Variants in SPATA13 observed in about 807,000 individuals in gnomAD.
SPATA13 encodes spermatogenesis associated 13.
SPATA13 carries 50 observed loss-of-function variants against 104.0 expected under a neutral mutation model. That is an observed-to-expected ratio of 0.48 (90% CI 0.38 to 0.61). The LOEUF is 0.61. Ranked by LOEUF, SPATA13 falls within the 20% of genes least tolerant of loss-of-function variation. The pLI is 0.00. For synonymous variants in SPATA13, 606 were observed against 667.5 expected (o/e 0.91, Z 1.42); for missense variants, 1,524 against 1,690.6 (o/e 0.90, Z 1.73).
At chr13:24,204,307 A>G (rs912149) in intron 1 of SPATA13, among the ~76,000 whole-genome samples, 134,935 of 152,156 alleles carry the variant, frequency 0.89, 62,088 homozygotes, top group East Asian at 1. Context: ...TGTTCAGAAA[A>G]CGATAGGAAA....
At position 24,223,764 on chromosome 13, in the gene SPATA13, A is replaced by G; in HGVS notation, c.835A>G (p.Thr279Ala). ...CACCTCCAATCTTGCAGACCTCAGGACGGCCCATGACGCACGGGTACCACA... is the reference window on the plus strand; with the variant it reads ...CACCTCCAATCTTGCAGACCTCAGGGCGGCCCATGACGCACGGGTACCACA... ...KSTSNLADLRTAHDARVPQRT... is the reference protein window; with the variant it reads ...KSTSNLADLRAAHDARVPQRT... Residue 279 changes from threonine (T) to alanine (A), a missense_variant, in exon 2 of 13, where the codon ACG becomes GCG. By Grantham distance (58) the Thr-to-Ala change is moderately conservative (BLOSUM62 0). Transcript: ENST00000382108. The G allele has an allele frequency of 1.9e-6, 3 of 1,551,856 alleles. No homozygotes were observed. The highest frequency in any genetic ancestry group is 2.6e-6 in the Non-Finnish European group (3 of 1,147,018).
chr13:24,110,826 A>G (rs1880615208), intron 3 of SPATA13, among the ~76,000 whole-genome samples: 1 of 152,232 alleles, frequency 6.6e-6, no homozygotes, highest in Non-Finnish European at 1.5e-5. Context: ...TGAGATAAGG[A>G]AGTTAAGAAT....
intron 10 of SPATA13, 71 bp from the exon 11 acceptor site, chr13:24,297,292 G>C (rs1003934678): frequency 1.3e-6 from 2 of 1,520,942 alleles, no homozygotes; most frequent in Non-Finnish European, 8.8e-7. Context: ...TCCCACCTTG[G>C]CTTCTTAAGT....
intron 3 of SPATA13, among the ~76,000 whole-genome samples, chr13:24,105,849 C>T (rs909300305): frequency 6.6e-6 from 1 of 152,254 alleles, no homozygotes; most frequent in African/African-American, 2.4e-5. Context: ...AATTAGGACA[C>T]AGACACACAC....
At chr13:24,251,488 A>T in intron 3 of SPATA13, 1 of 985,434 alleles carries the variant, frequency 1.0e-6, no homozygotes, top group Non-Finnish European at 1.2e-6. Flanking sequence ...GACAAGTGAG[A>T]TGAAACATGA....
At chr13:24,220,047 A>G (rs927155983) in intron 1 of SPATA13, among the ~76,000 whole-genome samples, 3 of 152,044 alleles carry the variant, frequency 2.0e-5, no homozygotes, top group Non-Finnish European at 2.9e-5. Context: ...TGCTCTTGCC[A>G]GTTTCTTATC....
intron 1 of SPATA13, among the ~76,000 whole-genome samples, chr13:24,175,695 G>A (rs1172737167): frequency 6.6e-6 from 1 of 152,168 alleles, no homozygotes; most frequent in Non-Finnish European, 1.5e-5. Context: ...TAAAAGCTAG[G>A]TTATTCATCT....
chr13:24,178,524 A>G (rs1258182987), intron 1 of SPATA13, among the ~76,000 whole-genome samples: 5 of 152,192 alleles, frequency 3.3e-5, no homozygotes, highest in Admixed American at 3.3e-4. Context: ...AGTAGTAGTA[A>G]TAAGTACCCT....
At position 24,071,175 on chromosome 13, in the gene SPATA13, T is replaced by C. The variant is rs75893557; in HGVS notation, c.-112+53474T>C. Among the ~76,000 whole-genome samples, 1,509 of 152,172 alleles carry C rather than the reference T, an allele frequency of 9.9e-3. 25 individuals are homozygous for C. Among genetic ancestry groups the C allele is most frequent in the African/African-American group, 0.034 (1,404 of 41,514 alleles). On this transcript the variant is annotated intron_variant, in intron 3 of 14. Coordinates refer to the SPATA13 transcript ENST00000424834. The stretch of plus-strand genomic sequence containing the variant: ...CATAAACTGCTTGAATGATGAGATA[T>C]GATTCCTTTGTAGAGGAGACAGCTG...
At chr13:24,148,385 G>A (rs1309121939) in intron 3 of SPATA13, among the ~76,000 whole-genome samples, 2 of 151,130 alleles carry the variant, frequency 1.3e-5, no homozygotes, top group African/African-American at 4.9e-5. Context: ...TTCCTGAAAT[G>A]CATACATCCC....
intron 1 of SPATA13, among the ~76,000 whole-genome samples, chr13:23,980,258 G>T (rs1021659301): frequency 6.6e-6 from 1 of 152,224 alleles, no homozygotes; most frequent in African/African-American, 2.4e-5. Context: ...GGGCGCCGGG[G>T]CAGTAGTTGC....
At position 24,011,974 on chromosome 13, in the gene SPATA13, A is replaced by G. The variant is rs1876489343; in HGVS notation, c.-146-5693A>G. Among the ~76,000 whole-genome samples, 1 of 152,234 alleles carries G rather than the reference A, an allele frequency of 6.6e-6. No homozygotes were observed. The highest frequency in any genetic ancestry group is 2.4e-5 in the African/African-American group (1 of 41,468). ...CCTACGGATTGTAAAACTCACAGGC[A>G]CAGGGACCGGGGCTTGCCCACCACC... On this transcript the variant is annotated intron_variant, in intron 2 of 14. Transcript: ENST00000424834. The surrounding 1 kb of genome is among the most constrained non-coding windows in gnomAD (Gnocchi z 4.3).
At position 24,291,746 on chromosome 13, in the gene SPATA13, T is replaced by A. The variant is rs968205985; in HGVS notation, c.3080+862T>A. Reference sequence around the variant, plus strand: ...ACACTCTCTCTCTGTCTTTATTTTTTTATTTTTTTATTTTTTTTTTTGAGA... The same window carrying A: ...ACACTCTCTCTCTGTCTTTATTTTTATATTTTTTTATTTTTTTTTTTGAGA... On this transcript the variant is annotated intron_variant, in intron 9 of 12. Coordinates refer to ENST00000382108, the MANE Select transcript of SPATA13 (RefSeq NM_001166271.3). 6.0e-5 allele frequency among the ~76,000 whole-genome samples: 4 copies of A among 66,504 alleles called. 1 individual carries two copies. The highest frequency in any genetic ancestry group is 2.5e-4 in the African/African-American group (4 of 16,172). The allele number at this position is 66,504 out of a possible 152,430, so 43.6% of individuals were successfully genotyped here. A position where few individuals can be genotyped will look rare whatever the true frequency, so the allele number is the denominator to read the frequency against.
intron 10 of SPATA13, among the ~76,000 whole-genome samples, chr13:24,296,810 A>G (rs896077046): frequency 1.3e-5 from 2 of 152,120 alleles, no homozygotes; most frequent in African/African-American, 4.8e-5. Flanking sequence ...AAGCAGGAAA[A>G]AAAAAAGAAA....
chr13:24,208,165 G>A (rs1270780396), intron 1 of SPATA13, among the ~76,000 whole-genome samples: 1 of 152,186 alleles, frequency 6.6e-6, no homozygotes, highest in African/African-American at 2.4e-5. Context: ...TTAGTGTCAG[G>A]TGAGGCTCAG....
intron 2 of SPATA13, among the ~76,000 whole-genome samples, chr13:24,239,434 C>T (rs1035493468): frequency 2.0e-5 from 3 of 152,012 alleles, no homozygotes; most frequent in Non-Finnish European, 4.4e-5. Flanking sequence ...GTGGCTCACA[C>T]CTGTAATCCT....
rs1876620628 is a variant in SPATA13 at position 24,294,606 on chromosome 13, A to G, written c.3081-133A>G. On this transcript the variant is annotated intron_variant, in intron 9 of 12. Transcript: ENST00000382108. Reference sequence around the variant, plus strand: ...TCACAAGGGAACAAGAAAAAGGGAAACAGTGGCTAATGACGTAAATGTCAC... The same window carrying G: ...TCACAAGGGAACAAGAAAAAGGGAAGCAGTGGCTAATGACGTAAATGTCAC... 6.7e-6 allele frequency: 6 copies of G among 900,700 alleles called. No individual in the cohort carries two copies. In the South Asian group the frequency reaches 1.4e-4, roughly 21 times the overall value. The allele number at this position is 900,700 out of a possible 1,614,324, so 55.8% of individuals were successfully genotyped here. A position where few individuals can be genotyped will look rare whatever the true frequency, so the allele number is the denominator to read the frequency against.
In SPATA13 at chr13:24,305,044, AAATGT is replaced by A. The variant is rs1877487477; in HGVS notation, c.*2275_*2279del. 6.6e-6 allele frequency: 1 copy of A among 152,256 alleles called. No individual in the cohort carries two copies. The highest frequency in any genetic ancestry group is 1.5e-5 in the Non-Finnish European group (1 of 68,050). The allele number at this position is 152,256 out of a possible 1,614,324, so 9.4% of individuals were successfully genotyped here. Reference sequence around the variant, plus strand: ...ACAGCAATTTTGAACAAATTGTTTTAAATGTAATATAAGAGAATTAGTTTAAGGAA... The same window carrying A: ...ACAGCAATTTTGAACAAATTGTTTTAAATATAAGAGAATTAGTTTAAGGAA... On this transcript the variant is annotated 3_prime_UTR_variant, in exon 13 of 13. Transcript: ENST00000382108.
intron 1 of SPATA13, among the ~76,000 whole-genome samples, chr13:24,210,996 C>T (rs571990647): frequency 3.1e-4 from 47 of 152,090 alleles, no homozygotes; most frequent in African/African-American, 1.1e-3. Context: ...TTATTCTTTT[C>T]GATGCTTTTG....
Sources: gnomAD v4.1 joint callset for allele counts (sites outside exome capture counted in the v4.1 genomes callset) on GRCh38, gnomAD v4.1.1 for gene constraint, Gnocchi (gnomAD v3.1) non-coding constraint, MANE v1.5 for transcripts, NCBI Gene and HGNC (gene_info 2026-07-23, HGNC 2026-07-21) for gene names.